HS6ST3: variants seen among roughly 807,000 people sequenced by gnomAD.
HS6ST3 encodes the protein heparan-sulfate 6-O-sulfotransferase 3.
HS6ST3 carries 12 observed loss-of-function variants against 36.7 expected under a neutral mutation model. The ratio of observed to expected loss-of-function variants is 0.33; its 90% CI spans 0.21 to 0.53. HS6ST3 has a LOEUF of 0.53. HS6ST3 is among the 20% of genes least tolerant of loss of function. The probability of loss-of-function intolerance (pLI) is 0.95; values close to 1 mark genes in which losing one functional copy is unlikely to be tolerated. For synonymous variants in HS6ST3, 240 were observed against 257.5 expected (o/e 0.93, Z 0.65); for missense variants, 584 against 640.9 (o/e 0.91, Z 0.96).
intron 1 of HS6ST3, among the ~76,000 whole-genome samples, chr13:96,779,565 C>T (rs894409138): frequency 6.6e-6 from 1 of 151,682 alleles, no homozygotes; most frequent in African/African-American, 2.4e-5. Context: ...GGATGAGTAG[C>T]GAGCAGGACA....
chr13:96,398,814 T>C (rs2055434891), intron 1 of HS6ST3, among the ~76,000 whole-genome samples: 1 of 152,308 alleles, frequency 6.6e-6, no homozygotes, highest in East Asian at 1.9e-4. Flanking sequence ...TGTATAAGAC[T>C]TTGTCTTAGC....
intron 1 of HS6ST3, among the ~76,000 whole-genome samples, chr13:96,480,952 C>A (rs1463469593): frequency 2.0e-5 from 3 of 152,178 alleles, no homozygotes; most frequent in African/African-American, 2.4e-5. Flanking sequence ...CTTTGGACAT[C>A]TTTTGCTTAG....
At chr13:96,753,712 C>A (rs567859182) in intron 1 of HS6ST3, among the ~76,000 whole-genome samples, 4 of 152,266 alleles carry the variant, frequency 2.6e-5, no homozygotes, top group African/African-American at 4.8e-5. Context: ...TGTAACTGCA[C>A]AAGCAAGGAC....
chr13:96,457,090 G>C (rs956065800), intron 1 of HS6ST3, among the ~76,000 whole-genome samples: 2 of 152,022 alleles, frequency 1.3e-5, no homozygotes, highest in Non-Finnish European at 2.9e-5. Context: ...CAGTTTTAGG[G>C]AGGCTGATTA....
intron 1 of HS6ST3, among the ~76,000 whole-genome samples, chr13:96,587,770 G>T (rs1380668472): frequency 2.0e-5 from 3 of 152,220 alleles, no homozygotes; most frequent in Non-Finnish European, 4.4e-5. Flanking sequence ...CTTCCTCTCA[G>T]TACTGTTACA....
chr13:96,450,677 A>G (rs542907070), intron 1 of HS6ST3, among the ~76,000 whole-genome samples: 43 of 152,310 alleles, frequency 2.8e-4, no homozygotes, highest in Non-Finnish European at 6.0e-4. Context: ...GCCTATAGAA[A>G]CTGTGCCTAT....
intron 1 of HS6ST3, among the ~76,000 whole-genome samples, chr13:96,125,532 A>G (rs2053946294): frequency 6.6e-6 from 1 of 152,078 alleles, no homozygotes; most frequent in Non-Finnish European, 1.5e-5. Flanking sequence ...TTATTCTATC[A>G]TACTATATCT....
intron 1 of HS6ST3, among the ~76,000 whole-genome samples, chr13:96,688,082 G>GA (rs58838843): frequency 0.99 from 144,823 of 146,898 alleles, 71,430 homozygotes; most frequent in Middle Eastern, 1. Context: ...GGAATGGGGG[G>GA]GGGGGAGGGA....
At chr13:96,678,878 C>T (rs904224470) in intron 1 of HS6ST3, among the ~76,000 whole-genome samples, 10 of 151,998 alleles carry the variant, frequency 6.6e-5, no homozygotes, top group Non-Finnish European at 1.3e-4. Flanking sequence ...ACTATTGATG[C>T]AGCCCTTAAA....
chr13:96,461,658 A>C (rs1377390923), intron 1 of HS6ST3, among the ~76,000 whole-genome samples: 1 of 152,232 alleles, frequency 6.6e-6, no homozygotes, highest in Non-Finnish European at 1.5e-5. Context: ...TGCAAGGTGG[A>C]TAAGCTCCAA....
intron 1 of HS6ST3, among the ~76,000 whole-genome samples, chr13:96,712,698 A>G (rs1448705603): frequency 1.3e-5 from 2 of 152,146 alleles, no homozygotes; most frequent in Non-Finnish European, 2.9e-5. Flanking sequence ...CCGAAGGTCC[A>G]CTACAGTTTC....
chr13:96,135,800 T>TA (rs2053998845), intron 1 of HS6ST3, among the ~76,000 whole-genome samples: 1 of 152,222 alleles, frequency 6.6e-6, no homozygotes, highest in Non-Finnish European at 1.5e-5. Flanking sequence ...ATTGAGGACT[T>TA]ACAGGGATGG....
chr13:96,120,103 A>C (rs906614962), intron 1 of HS6ST3, among the ~76,000 whole-genome samples: 2 of 152,182 alleles, frequency 1.3e-5, no homozygotes, highest in African/African-American at 4.8e-5. Context: ...AGAGAGAGAC[A>C]CAGGAAGAAT....
chr13:96,460,306 G>T (rs555020083), intron 1 of HS6ST3, among the ~76,000 whole-genome samples: 1 of 152,250 alleles, frequency 6.6e-6, no homozygotes, highest in African/African-American at 2.4e-5. Context: ...TTAAACAAGT[G>T]TACTCTGTGA....
At chr13:96,288,877 T>G (rs2054816439) in intron 1 of HS6ST3, among the ~76,000 whole-genome samples, 1 of 152,024 alleles carries the variant, frequency 6.6e-6, no homozygotes. Flanking sequence ...AGTCAACTTT[T>G]TTTTCCTAAA....
intron 1 of HS6ST3, among the ~76,000 whole-genome samples, chr13:96,279,118 A>G (rs1305924760): frequency 2.0e-5 from 3 of 152,194 alleles, no homozygotes; most frequent in East Asian, 1.9e-4. Flanking sequence ...TTGACTTTCA[A>G]TGTATCATTT....
In HS6ST3 at chr13:96,765,588, T is replaced by TCTCTCTC. The variant is rs1877089470; in HGVS notation, c.708-66902_708-66901insCTCTCTC. Among the ~76,000 whole-genome samples, 346 of 142,696 alleles carry TCTCTCTC rather than the reference T, an allele frequency of 2.4e-3. 3 individuals carry two copies. Among genetic ancestry groups the TCTCTCTC allele is most frequent in the Middle Eastern group, 3.8e-3 (1 of 260 alleles). The allele number at this position is 142,696 out of a possible 152,430, so 93.6% of individuals were successfully genotyped here. A position where few individuals can be genotyped will look rare whatever the true frequency, so the allele number is the denominator to read the frequency against. ...ACAGAGATGTATGCGCTCTCTCTCT[T>TCTCTCTC]TCTCTCTCTCTCTCTCTCTCTCTCT... On this transcript the variant is annotated intron_variant, in intron 1 of 1. Transcript: ENST00000376705.
chr13:96,391,077 A>G (rs1432354552), intron 1 of HS6ST3, among the ~76,000 whole-genome samples: 2 of 152,064 alleles, frequency 1.3e-5, no homozygotes, highest in Non-Finnish European at 2.9e-5. Flanking sequence ...TACTCACGTG[A>G]TCTTTTGGAC....
At chr13:96,437,696 C>T (rs1164591) in intron 1 of HS6ST3, among the ~76,000 whole-genome samples, 73,478 of 152,088 alleles carry the variant, frequency 0.48, 18,628 homozygotes, top group African/African-American at 0.64. Flanking sequence ...ATTATTATTT[C>T]AGATTGAGGC....
Sources: allele counts gnomAD v4.1 joint callset (sites outside exome capture counted in the v4.1 genomes callset), GRCh38; gene constraint gnomAD v4.1.1; transcripts MANE v1.5; gene names NCBI Gene and HGNC (gene_info 2026-07-23, HGNC 2026-07-21).